BORCS5: variants seen among roughly 807,000 people sequenced by gnomAD.
The protein encoded by BORCS5 is BLOC-1-related complex subunit 5.
BORCS5 carries 17 observed loss-of-function variants against 22.1 expected under a neutral mutation model. The observed-to-expected ratio is 0.77, with a 90% CI of 0.53 to 1.15. The LOEUF is 1.15. BORCS5 is among the 50% of genes most tolerant of loss of function. The pLI is 0.00. For synonymous variants in BORCS5, 117 were observed against 99.8 expected (o/e 1.17, Z -1.03); for missense variants, 247 against 253.2 (o/e 0.98, Z 0.17).
At chr12:12,375,971 A>G (rs1863641288) in intron 2 of BORCS5, among the ~76,000 whole-genome samples, 1 of 151,534 alleles carries the variant, frequency 6.6e-6, no homozygotes. Context: ...CGCACAGCTA[A>G]TTTCTGTATT....
intron 2 of BORCS5, among the ~76,000 whole-genome samples, chr12:12,393,365 C>T (rs1941248268): frequency 1.3e-5 from 2 of 152,052 alleles, no homozygotes; most frequent in South Asian, 4.1e-4. Flanking sequence ...GTAACCATTG[C>T]CAGGTGCCTG....
At chr12:12,388,218 A>C (rs541710468) in intron 2 of BORCS5, among the ~76,000 whole-genome samples, 65 of 151,408 alleles carry the variant, frequency 4.3e-4, no homozygotes, top group African/African-American at 1.5e-3. Flanking sequence ...TTACTAGTCT[A>C]TACTTATTTA....
At chr12:12,430,141 CT>C (rs1156871711) in intron 2 of BORCS5, among the ~76,000 whole-genome samples, 1 of 122,046 alleles carries the variant, frequency 8.2e-6, no homozygotes, top group East Asian at 2.1e-4. Context: ...CTTTAATCAC[CT>C]TAGAGAAAAT....
In BORCS5 at chr12:12,408,259, A is replaced by G. The variant is rs1424494797; in HGVS notation, c.203-27369A>G. Among the ~76,000 whole-genome samples the G allele has an allele frequency of 4.6e-5, 7 of 152,238 alleles. No homozygotes were observed. The South Asian group carries it at 8.3e-4, about 18-fold the overall frequency. On this transcript the variant is annotated intron_variant, in intron 2 of 3. Transcript: ENST00000314565. ...CATTGTGAATAATGCTGCTGTGAAC[A>G]TTGATACATAAATATCTGTATGAGT...
At chr12:12,424,606 A>ATTT (rs34233192) in intron 2 of BORCS5, among the ~76,000 whole-genome samples, 5 of 145,160 alleles carry the variant, frequency 3.4e-5, no homozygotes, top group Non-Finnish European at 6.0e-5. Context: ...ATGACTGGTG[A>ATTT]TTTTTTTTTT....
At position 12,392,705 on chromosome 12, in the gene BORCS5, A is replaced by C. The variant is rs144231581; in HGVS notation, c.202+31356A>C. On this transcript the variant is annotated intron_variant, in intron 2 of 3. Transcript: ENST00000314565. ...TTAGCTCACTGTGTGACGTATTGCA[A>C]TTGCCCAATAAAAATTACCATTCAA... 2.0e-3 allele frequency among the ~76,000 whole-genome samples: 310 copies of C among 152,238 alleles called. 2 individuals carry two copies. The highest frequency in any genetic ancestry group is 3.4e-3 in the Non-Finnish European group (234 of 68,030).
Position 12,463,243 on chromosome 12 carries a change from C to T in BORCS5, c.361-2303C>T, listed in dbSNP as rs75604438. ...GGATTATGGATCAAGGACAATGTTACCTCAAGAGCAAAGGTCAGAGACATC... is the reference window on the plus strand; with the variant it reads ...GGATTATGGATCAAGGACAATGTTATCTCAAGAGCAAAGGTCAGAGACATC... On this transcript the variant is annotated intron_variant, in intron 3 of 3. Transcript: ENST00000314565. 4.8e-3 allele frequency among the ~76,000 whole-genome samples: 733 copies of T among 152,246 alleles called. 7 individuals carry two copies. The highest frequency in any genetic ancestry group is 4.5e-3 in the Non-Finnish European group (305 of 68,028).
chr12:12,468,095 C>G lies in BORCS5; in HGVS notation c.*2319C>G, dbSNP rs1428786198. 6 of 152,272 alleles carry G rather than the reference C, an allele frequency of 3.9e-5. No homozygotes were observed. The highest frequency in any genetic ancestry group is 5.9e-5 in the Non-Finnish European group (4 of 68,076). 9.4% of individuals were successfully genotyped at this position (152,272 alleles called of 1,614,324 possible). On this transcript the variant is annotated 3_prime_UTR_variant, in exon 4 of 4. Coordinates refer to ENST00000314565, the MANE Select transcript of BORCS5 (RefSeq NM_058169.6). ...CTTGCAGGTCTCAGTCGTACTTGCT[C>G]TCCCTCACCATCCTTTCCAACCGCC...
At chr12:12,365,345 A>ATTTTTTTTT (rs376865029) in intron 2 of BORCS5, among the ~76,000 whole-genome samples, 1 of 140,818 alleles carries the variant, frequency 7.1e-6, no homozygotes. Flanking sequence ...ATTAAAATAC[A>ATTTTTTTTT]TTTTTTTTTT....
chr12:12,459,581 A>G (rs1053926701), intron 3 of BORCS5, among the ~76,000 whole-genome samples: 10 of 152,166 alleles, frequency 6.6e-5, no homozygotes, highest in African/African-American at 1.4e-4. Flanking sequence ...AAGCTCTGGG[A>G]TTACAGGCGT....
At chr12:12,360,451 G>A (rs1465454036) in intron 1 of BORCS5, among the ~76,000 whole-genome samples, 2 of 152,028 alleles carry the variant, frequency 1.3e-5, no homozygotes, top group African/African-American at 2.4e-5. Flanking sequence ...CCATGCAGTG[G>A]TGTGATCATG....
intron 3 of BORCS5, among the ~76,000 whole-genome samples, chr12:12,457,548 A>G (rs1420873579): frequency 1.3e-5 from 2 of 152,154 alleles, no homozygotes; most frequent in African/African-American, 4.8e-5. Flanking sequence ...GGGCGCCTGT[A>G]GTCCCAGCTA....
At chr12:12,450,940 A>T (rs1942896727) in intron 3 of BORCS5, among the ~76,000 whole-genome samples, 1 of 152,264 alleles carries the variant, frequency 6.6e-6, no homozygotes, top group Non-Finnish European at 1.5e-5. Flanking sequence ...ATTTTATTAC[A>T]ATAATTAAAA....
Position 12,466,114 on chromosome 12 carries a change from G to A in BORCS5, c.*338G>A, listed in dbSNP as rs575125706. On this transcript the variant is annotated 3_prime_UTR_variant, in exon 4 of 4. Coordinates refer to ENST00000314565, the MANE Select transcript of BORCS5 (RefSeq NM_058169.6). ...GAGTATATAGTCCAGTCCAGGTACC[G>A]GAATAAAAATATGGAGACAAGGGGA... 21 of 200,712 alleles carry A rather than the reference G, an allele frequency of 1.0e-4. No homozygotes were observed. Among genetic ancestry groups the A allele is most frequent in the Admixed American group, 1.7e-4 (3 of 17,398 alleles). 12.4% of individuals were successfully genotyped at this position (200,712 alleles called of 1,614,324 possible). A position where few individuals can be genotyped will look rare whatever the true frequency, so the allele number is the denominator to read the frequency against.
At chr12:12,361,915 A>G (rs1863295057) in intron 2 of BORCS5, among the ~76,000 whole-genome samples, 1 of 152,204 alleles carries the variant, frequency 6.6e-6, no homozygotes, top group Admixed American at 6.6e-5. Flanking sequence ...ATACTGTGGT[A>G]GTTACCTTTT....
chr12:12,421,025 A>G (rs1485167518), intron 2 of BORCS5, among the ~76,000 whole-genome samples: 1 of 152,164 alleles, frequency 6.6e-6, no homozygotes, highest in Non-Finnish European at 1.5e-5. Flanking sequence ...TCATTTCCTA[A>G]TTGAATATCC....
At chr12:12,422,827 G>A (rs1017996264) in intron 2 of BORCS5, among the ~76,000 whole-genome samples, 4 of 151,562 alleles carry the variant, frequency 2.6e-5, no homozygotes, top group Non-Finnish European at 4.4e-5. Context: ...ACAAAATATG[G>A]AGTTATAAAC....
intron 2 of BORCS5, among the ~76,000 whole-genome samples, chr12:12,401,866 G>A (rs1941485297): frequency 6.6e-6 from 1 of 151,626 alleles, no homozygotes; most frequent in Non-Finnish European, 1.5e-5. Flanking sequence ...AGACCATCCT[G>A]GTTAACATGG....
At chr12:12,415,559 G>GGGGAA (rs1941919072) in intron 2 of BORCS5, among the ~76,000 whole-genome samples, 1 of 25,500 alleles carries the variant, frequency 3.9e-5, no homozygotes, top group Non-Finnish European at 7.6e-5. Flanking sequence ...CGTGGAGAGA[G>GGGGAA]GGGGAGGGGG....
Sources: gnomAD v4.1 joint callset for allele counts (sites outside exome capture counted in the v4.1 genomes callset) on GRCh38, gnomAD v4.1.1 for gene constraint, MANE v1.5 for transcripts, NCBI Gene and HGNC (gene_info 2026-07-23, HGNC 2026-07-21) for gene names.